USP32: variants seen among roughly 807,000 people sequenced by gnomAD.
USP32 encodes ubiquitin specific peptidase 32.
USP32 carries 59 observed loss-of-function variants against 204.8 expected under a neutral mutation model. The observed-to-expected ratio is 0.29, with a 90% CI of 0.23 to 0.36. USP32 has a LOEUF of 0.36. Ranked by LOEUF, USP32 falls within the 10% of genes least tolerant of loss-of-function variation. The pLI, the probability that USP32 is intolerant of heterozygous loss-of-function variation, is 1.00. For synonymous variants in USP32, 517 were observed against 678.4 expected (o/e 0.76, Z 3.70); for missense variants, 1,160 against 1,946.4 (o/e 0.60, Z 7.60).
At chr17:60,290,876 T>C (rs890653586) in intron 4 of USP32, among the ~76,000 whole-genome samples, 10 of 152,328 alleles carry the variant, frequency 6.6e-5, no homozygotes, top group Non-Finnish European at 1.2e-4. Flanking sequence ...CGAAGATGTC[T>C]AGGGGTCAGT....
At position 60,417,557 on chromosome 17, in the gene USP32, G is replaced by A. The variant is rs375302441; in HGVS notation, c.106+4689C>T. Among the ~76,000 whole-genome samples, 20 of 150,606 alleles carry A rather than the reference G, an allele frequency of 1.3e-4. 1 individual carries two copies. In the South Asian group the frequency reaches 1.5e-3, roughly 11 times the overall value. On this transcript the variant is annotated intron_variant, in intron 1 of 3. Coordinates refer to the USP32 transcript ENST00000588898. ...CAACATCTGCCTCCCAGGTTCAAGC[G>A]TTTCTCCTGCCTCAGCCTCCTGAGT... is the stretch of plus-strand genomic sequence containing the variant.
intron 27 of USP32, 61 bp downstream of exon 27, chr17:60,198,199 C>A (rs2145438632): frequency 1.3e-6 from 2 of 1,575,552 alleles, no homozygotes; most frequent in East Asian, 4.5e-5. Flanking sequence ...ATGTAGAATT[C>A]ATATAGATTA....
chr17:60,194,623 A>T (rs1468437715), intron 27 of USP32, among the ~76,000 whole-genome samples: 1 of 152,214 alleles, frequency 6.6e-6, no homozygotes, highest in African/African-American at 2.4e-5. Flanking sequence ...TGCAATTAAT[A>T]TAACAGTAAC....
At chr17:60,254,147 T>A (rs901163609) in intron 10 of USP32, among the ~76,000 whole-genome samples, 1 of 152,154 alleles carries the variant, frequency 6.6e-6, no homozygotes, top group Non-Finnish European at 1.5e-5. Flanking sequence ...GAAACTAAAA[T>A]AACCACTATT....
At chr17:60,315,515 G>A (rs2087952260) in intron 2 of USP32, among the ~76,000 whole-genome samples, 2 of 152,152 alleles carry the variant, frequency 1.3e-5, no homozygotes, top group African/African-American at 4.8e-5. Flanking sequence ...AGCTGTTCTG[G>A]AAAACAGCCT....
At chr17:60,342,831 T>C (rs2088691405) in intron 2 of USP32, among the ~76,000 whole-genome samples, 1 of 152,220 alleles carries the variant, frequency 6.6e-6, no homozygotes, top group East Asian at 1.9e-4. Context: ...CAGTCTGACA[T>C]GGATTCCCGT....
At chr17:60,289,465 C>T (rs1339268430) in intron 4 of USP32, among the ~76,000 whole-genome samples, 2 of 152,178 alleles carry the variant, frequency 1.3e-5, no homozygotes, top group African/African-American at 4.8e-5. Context: ...AAACAACTAT[C>T]CAGGTGTCCT....
chr17:60,256,678 T>C (rs2086315315), intron 9 of USP32: 1 of 1,099,658 alleles, frequency 9.1e-7, no homozygotes, highest in Non-Finnish European at 1.1e-6. Flanking sequence ...TAGTGTGGTA[T>C]CTGTTGCTGT....
chr17:60,374,511 C>A (rs997436205), intron 1 of USP32, among the ~76,000 whole-genome samples: 1 of 151,990 alleles, frequency 6.6e-6, no homozygotes, highest in African/African-American at 2.4e-5. Context: ...GATCCTCCCA[C>A]TCCAGCCTCC....
In USP32 at chr17:60,217,852, C is replaced by A. The variant is rs553365661; in HGVS notation, c.1867+1818G>T. Among the ~76,000 whole-genome samples the A allele has an allele frequency of 4.6e-3, 703 of 152,026 alleles. 12 individuals are homozygous for A. The highest frequency in any genetic ancestry group is 0.016 in the African/African-American group (661 of 41,462). The stretch of plus-strand genomic sequence containing the variant: ...TCCTGGGCTTAAGAGATCTTCCCAC[C>A]TCAGCCTCTTGAGTAGCTGAGACTA... On this transcript the variant is annotated intron_variant, in intron 16 of 33. Coordinates refer to ENST00000300896, the MANE Select transcript of USP32 (RefSeq NM_032582.4).
rs1598063129 is a variant in USP32, at chr17:60,206,433, G to T, written c.3037+588C>A. 2.0e-5 allele frequency among the ~76,000 whole-genome samples: 3 copies of T among 149,376 alleles called. No individual in the cohort carries two copies. In the South Asian group the frequency reaches 6.2e-4, roughly 31 times the overall value. ...GGTGGATACTGTATTGGATGGCAAAGATCACAGAAGTTTCCACCACTGCAG... is the reference window on the plus strand; with the variant it reads ...GGTGGATACTGTATTGGATGGCAAATATCACAGAAGTTTCCACCACTGCAG... On this transcript the variant is annotated intron_variant, in intron 25 of 33. Coordinates refer to ENST00000300896, the MANE Select transcript of USP32 (RefSeq NM_032582.4).
At chr17:60,182,167 G>A (rs2084128331) in intron 31 of USP32, among the ~76,000 whole-genome samples, 1 of 152,148 alleles carries the variant, frequency 6.6e-6, no homozygotes, top group Non-Finnish European at 1.5e-5. Flanking sequence ...GCTGTCCATT[G>A]TTACCTCTAT....
At chr17:60,367,510 G>C (rs1302112958) in intron 1 of USP32, among the ~76,000 whole-genome samples, 1 of 151,962 alleles carries the variant, frequency 6.6e-6, no homozygotes, top group Non-Finnish European at 1.5e-5. Context: ...TCACAAAACA[G>C]AAAGAAAGAA....
At position 60,201,374 on chromosome 17, in the gene USP32, T is replaced by G. The variant is rs535173313; in HGVS notation, c.3250-2930A>C. On this transcript the variant is annotated intron_variant, in intron 26 of 33. Transcript: ENST00000300896. ...GGTGCTACGAATATTCTTGTACATA[T>G]CTCCTGGTACACATATCTCTTGGGT... 2.0e-5 allele frequency among the ~76,000 whole-genome samples: 3 copies of G among 152,304 alleles called. No individual in the cohort carries two copies. The East Asian group carries it at 5.8e-4, about 29-fold the overall frequency.
intron 5 of USP32, among the ~76,000 whole-genome samples, chr17:60,278,856 G>A (rs557814221): frequency 6.6e-6 from 1 of 152,270 alleles, no homozygotes; most frequent in East Asian, 1.9e-4. Flanking sequence ...TTAAAATAGT[G>A]AAAGTCTGAT....
At chr17:60,401,379 G>GAGAA (rs528370368) in intron 1 of USP32, among the ~76,000 whole-genome samples, 4 of 152,082 alleles carry the variant, frequency 2.6e-5, no homozygotes, top group Admixed American at 6.6e-5. Flanking sequence ...CAATTAAAAA[G>GAGAA]AGAAAGAAAG....
chr17:60,291,527 CTGTGTGTGTATGTGTGTGTGTG>C, intron 4 of USP32, among the ~76,000 whole-genome samples: 1 of 140,826 alleles, frequency 7.1e-6, no homozygotes, highest in African/African-American at 2.9e-5. Context: ...GCTTCTCTCT[CTGTGTGTGTATGTGTGTGTGTG>C]TGTGTGTGTG....
chr17:60,254,927 T>C (rs747709348), intron 10 of USP32, among the ~76,000 whole-genome samples: 41 of 152,280 alleles, frequency 2.7e-4, no homozygotes, highest in Non-Finnish European at 5.7e-4. Context: ...ACTTATTCTC[T>C]ATATGTCTAT....
At chr17:60,295,641 C>T (rs887888352) in intron 3 of USP32, among the ~76,000 whole-genome samples, 5 of 152,122 alleles carry the variant, frequency 3.3e-5, no homozygotes, top group African/African-American at 9.7e-5. Context: ...ACTTAGTGGC[C>T]ATTTTGGTTA....
Sources: gnomAD v4.1 joint callset for allele counts (sites outside exome capture counted in the v4.1 genomes callset) on GRCh38, gnomAD v4.1.1 for gene constraint, MANE v1.5 for transcripts, NCBI Gene and HGNC (gene_info 2026-07-23, HGNC 2026-07-21) for gene names.